The following ALOX5AP variants were observed in gnomAD, a reference collection of about 807,000 sequenced individuals.
ALOX5AP encodes arachidonate 5-lipoxygenase-activating protein.
A neutral mutation model predicts 18.5 loss-of-function variants in ALOX5AP; 9 were observed. The observed-to-expected ratio is 0.49, with a 90% CI of 0.29 to 0.85. ALOX5AP has a LOEUF of 0.85. ALOX5AP is among the 40% of genes least tolerant of loss of function. The probability of loss-of-function intolerance (pLI) is 0.08; values close to 1 mark genes in which losing one functional copy is unlikely to be tolerated. For missense variants in ALOX5AP, 172 were observed against 202.5 expected (o/e 0.85, Z 0.91); for synonymous variants, 81 against 78.6 (o/e 1.03, Z -0.16).
intron 1 of ALOX5AP, among the ~76,000 whole-genome samples, chr13:30,743,545 A>ATTC (rs1238736630): frequency 6.6e-6 from 1 of 151,940 alleles, no homozygotes; most frequent in Non-Finnish European, 1.5e-5. Flanking sequence ...TTGGCTGAAC[A>ATTC]TTCTGAACCA....
intron 1 of ALOX5AP, among the ~76,000 whole-genome samples, chr13:30,737,637 A>C (rs574161684): frequency 6.6e-6 from 1 of 152,270 alleles, no homozygotes; most frequent in Admixed American, 6.5e-5. Context: ...AGAATGGACC[A>C]GCTGGGAGCT....
intron 2 of ALOX5AP, among the ~76,000 whole-genome samples, chr13:30,747,235 G>A (rs976122890): frequency 6.6e-6 from 1 of 152,220 alleles, no homozygotes; most frequent in Non-Finnish European, 1.5e-5. Flanking sequence ...GGAGTGCAGT[G>A]GCACGATCTT....
At chr13:30,748,862 T>C (rs1951829853) in intron 2 of ALOX5AP, among the ~76,000 whole-genome samples, 1 of 152,208 alleles carries the variant, frequency 6.6e-6, no homozygotes, top group South Asian at 2.1e-4. Context: ...GAGGCAGCCA[T>C]GGCATTGGGC....
intron 2 of ALOX5AP, among the ~76,000 whole-genome samples, chr13:30,751,556 T>A (rs1951851800): frequency 6.6e-6 from 1 of 152,226 alleles, no homozygotes; most frequent in East Asian, 1.9e-4. Context: ...GAGCACCAGC[T>A]TTTTTGAGTT....
At chr13:30,759,135 T>G (rs1267501061) in intron 4 of ALOX5AP, among the ~76,000 whole-genome samples, 2 of 152,174 alleles carry the variant, frequency 1.3e-5, no homozygotes, top group East Asian at 3.9e-4. Context: ...AATCTTGGTT[T>G]CTTCCCCATT....
At chr13:30,759,866 A>C (rs17238948) in intron 4 of ALOX5AP, among the ~76,000 whole-genome samples, 9,875 of 152,300 alleles carry the variant, frequency 0.065, 449 homozygotes, top group Non-Finnish European at 0.1. Flanking sequence ...GCCCCATCCC[A>C]GACTTATGAA....
chr13:30,747,589 TC>T (rs1239435665), intron 2 of ALOX5AP, among the ~76,000 whole-genome samples: 1 of 152,196 alleles, frequency 6.6e-6, no homozygotes, highest in Non-Finnish European at 1.5e-5. Flanking sequence ...GACCTAAGAT[TC>T]CTCTTTGTGA....
chr13:30,714,549 T>C (rs1951534626), intron 1 of ALOX5AP, among the ~76,000 whole-genome samples: 1 of 118,334 alleles, frequency 8.5e-6, no homozygotes, highest in South Asian at 2.9e-4. Flanking sequence ...CCAGGAGAGG[T>C]GGCCGCTGGC....
chr13:30,713,963 G>T, intron 1 of ALOX5AP: 1 of 1,080,326 alleles, frequency 9.3e-7, no homozygotes, highest in Non-Finnish European at 1.3e-6. Context: ...CCCAGAAGCA[G>T]TATTGGGCAG....
chr13:30,718,063 G>A (rs1475187858), intron 1 of ALOX5AP, among the ~76,000 whole-genome samples: 11 of 151,604 alleles, frequency 7.3e-5, no homozygotes, highest in Non-Finnish European at 7.4e-5. Flanking sequence ...AGGTTTAAGC[G>A]ATTCTCCTGC....
At chr13:30,755,522 G>A (rs1361703165) in intron 3 of ALOX5AP, among the ~76,000 whole-genome samples, 3 of 152,198 alleles carry the variant, frequency 2.0e-5, no homozygotes, top group Non-Finnish European at 2.9e-5. Flanking sequence ...TTGGAAACCA[G>A]GAGTGTCCAG....
At chr13:30,729,001 C>T (rs1449417027) in intron 1 of ALOX5AP, among the ~76,000 whole-genome samples, 1 of 152,200 alleles carries the variant, frequency 6.6e-6, no homozygotes, top group Non-Finnish European at 1.5e-5. Context: ...ATTGTGTTAT[C>T]TCATTGTAGT....
Position 30,735,667 on chromosome 13 carries a change from T to C in ALOX5AP, c.62T>C (p.Val21Ala), listed in dbSNP as rs61947401. The change falls in exon 1 of 5, where the codon GTC (valine) becomes GCC (alanine). Residue 21 changes from valine (V) to alanine (A), a missense_variant. Transcript: ENST00000380490. ...LLAIVTLISV[V>A]QNGFFAHKVE... Reference sequence around the variant, plus strand: ...GCCATCGTCACCCTCATCAGCGTGGTCCAGAATGGTAAGGAAAGCCCTTCA... The same window carrying C: ...GCCATCGTCACCCTCATCAGCGTGGCCCAGAATGGTAAGGAAAGCCCTTCA... 1 of 1,614,094 alleles carries C rather than the reference T, an allele frequency of 6.2e-7. No homozygotes were observed. Among genetic ancestry groups the C allele is most frequent in the South Asian group, 1.1e-5 (1 of 91,070 alleles).
chr13:30,716,511 T>C (rs1003070776), intron 1 of ALOX5AP, among the ~76,000 whole-genome samples: 3 of 152,194 alleles, frequency 2.0e-5, no homozygotes, highest in Non-Finnish European at 4.4e-5. Context: ...TGTATGAACA[T>C]TAGCTTTTGA....
At position 30,764,182 on chromosome 13, in the gene ALOX5AP, A is replaced by G. The variant is rs1951970803; in HGVS notation, c.*76A>G. The G allele has an allele frequency of 2.0e-6, 3 of 1,467,934 alleles. No individual in the cohort carries two copies. Among genetic ancestry groups the G allele is most frequent in the Admixed American group, 4.2e-5 (2 of 47,102 alleles). The allele number at this position is 1,467,934 out of a possible 1,614,324, so 90.9% of individuals were successfully genotyped here. On this transcript the variant is annotated 3_prime_UTR_variant, in exon 5 of 5. Transcript: ENST00000380490. ...TCATCATAATTCAGCTCTTGAGAGC[A>G]TTCTGCTCTTCTTTAGATGGCTGTA... is the stretch of plus-strand genomic sequence containing the variant.
upstream of ALOX5AP, among the ~76,000 whole-genome samples, chr13:30,734,372 C>T (rs965685310): frequency 7.2e-5 from 11 of 152,206 alleles, no homozygotes; most frequent in South Asian, 2.1e-4. Flanking sequence ...TGACCTCTTC[C>T]GTGCCGAGAT....
intron 2 of ALOX5AP, among the ~76,000 whole-genome samples, chr13:30,745,931 C>T (rs2137815219): frequency 6.6e-6 from 1 of 152,346 alleles, no homozygotes; most frequent in African/African-American, 2.4e-5. Flanking sequence ...CTATGGACTC[C>T]TCAGCTCAAC....
At chr13:30,735,473 A>G, upstream of ALOX5AP, 1 of 1,234,152 alleles carries the variant, frequency 8.1e-7, no homozygotes, top group Non-Finnish European at 1.1e-6. Flanking sequence ...AGAAGAAGGC[A>G]CTGTGTAATT....
upstream of ALOX5AP, chr13:30,735,436 A>T (rs1951712481): frequency 1.6e-3 from 5 of 3,212 alleles, no homozygotes; most frequent in Non-Finnish European, 2.0e-3. Context: ...TGGTTAGTTA[A>T]AAAAAAAAAA....
Sources: allele counts gnomAD v4.1 joint callset (sites outside exome capture counted in the v4.1 genomes callset), GRCh38; gene constraint gnomAD v4.1.1; transcripts MANE v1.5; gene names NCBI Gene and HGNC (gene_info 2026-07-23, HGNC 2026-07-21).